Variants in MAPRE1 observed in about 807,000 individuals in gnomAD.
The protein encoded by MAPRE1 is microtubule-associated protein RP/EB family member 1.
In MAPRE1, 5 loss-of-function variants were observed where a neutral mutation model predicts 32.1. The observed-to-expected ratio is 0.16, with a 90% confidence interval of 0.08 to 0.33. The LOEUF is 0.33. Ranked by LOEUF, MAPRE1 falls within the 10% of genes least tolerant of loss-of-function variation. The pLI, the probability that MAPRE1 is intolerant of heterozygous loss-of-function variation, is 1.00. For missense variants in MAPRE1, 209 were observed against 327.2 expected (o/e 0.64, Z 2.79); for synonymous variants, 122 against 118.9 (o/e 1.03, Z -0.17).
intron 2 of MAPRE1, among the ~76,000 whole-genome samples, chr20:32,829,439 G>A (rs1326840071): frequency 6.6e-6 from 1 of 152,210 alleles, no homozygotes; most frequent in Non-Finnish European, 1.5e-5. Context: ...TATGAGAGCA[G>A]ACAGGATGAG....
At position 32,834,839 on chromosome 20, in the gene MAPRE1, A is replaced by G. The variant is rs535892481; in HGVS notation, c.267+977A>G. 7.9e-5 allele frequency among the ~76,000 whole-genome samples: 12 copies of G among 152,316 alleles called. No individual in the cohort carries two copies. In the South Asian group the frequency reaches 2.3e-3, roughly 29 times the overall value. Reference sequence around the variant, plus strand: ...TAAACAATAAATAGTAAATAGTGTAATGATCCCTCATGTAACTCAATGGTT... The same window carrying G: ...TAAACAATAAATAGTAAATAGTGTAGTGATCCCTCATGTAACTCAATGGTT... On this transcript the variant is annotated intron_variant, in intron 3 of 6. Coordinates refer to ENST00000375571, the MANE Select transcript of MAPRE1 (RefSeq NM_012325.3).
At chr20:32,831,771 G>A (rs1247596053) in intron 2 of MAPRE1, among the ~76,000 whole-genome samples, 1 of 151,892 alleles carries the variant, frequency 6.6e-6, no homozygotes, top group African/African-American at 2.4e-5. Context: ...CTGACTTCAG[G>A]TGATCTGCCC....
chr20:32,821,176 C>G (rs970995602), intron 1 of MAPRE1, among the ~76,000 whole-genome samples: 11 of 152,104 alleles, frequency 7.2e-5, no homozygotes, highest in African/African-American at 2.7e-4. Context: ...CCACCAAGCC[C>G]GGCTAATTGT....
chr20:32,836,538 C>T, intron 3 of MAPRE1, 96 bp from the exon 4 acceptor site: 1 of 727,238 alleles, frequency 1.4e-6, no homozygotes, highest in Non-Finnish European at 2.3e-6. Flanking sequence ...TTTTTTTCTC[C>T]TTTTGGCAGA....
At chr20:32,835,206 C>G (rs1983153637) in intron 3 of MAPRE1, among the ~76,000 whole-genome samples, 1 of 152,106 alleles carries the variant, frequency 6.6e-6, no homozygotes, top group Non-Finnish European at 1.5e-5. Context: ...GCCTGGGCAA[C>G]AGAGCAAGAC....
intron 2 of MAPRE1, among the ~76,000 whole-genome samples, chr20:32,827,649 C>G (rs1982897971): frequency 6.6e-6 from 1 of 152,074 alleles, no homozygotes; most frequent in African/African-American, 2.4e-5. Context: ...GTAATCTCAG[C>G]ACTTTGGGAG....
chr20:32,838,278 C>G (rs1983256212), intron 4 of MAPRE1, among the ~76,000 whole-genome samples: 2 of 152,116 alleles, frequency 1.3e-5, no homozygotes, highest in African/African-American at 4.8e-5. Context: ...TTTGCTCAGC[C>G]TGCTGTTTTC....
rs1037634077 is a variant in MAPRE1, at chr20:32,839,592, T to C, written c.476-143T>C. The C allele has an allele frequency of 1.6e-5, 18 of 1,122,642 alleles. No homozygotes were observed. In the East Asian group the frequency reaches 4.2e-4, roughly 26 times the overall value. 69.5% of individuals were successfully genotyped at this position (1,122,642 alleles called of 1,614,324 possible). A position where few individuals can be genotyped will look rare whatever the true frequency, so the allele number is the denominator to read the frequency against. On this transcript the variant is annotated intron_variant, in intron 4 of 6. Transcript: ENST00000375571. The stretch of plus-strand genomic sequence containing the variant: ...GCAAATGTGGGAGCGTTGTCTTGCA[T>C]GCGGGGGCTCTCTAGCATTGGTTCC...
intron 5 of MAPRE1, among the ~76,000 whole-genome samples, chr20:32,840,455 GTTAA>G (rs1324393919): frequency 1.3e-5 from 2 of 152,088 alleles, no homozygotes; most frequent in Admixed American, 6.5e-5. Context: ...GATTCTTTTT[GTTAA>G]TTCTATTTTT....
At chr20:32,825,841 T>A (rs771712088) in intron 1 of MAPRE1, 84 bp from the exon 2 acceptor site, 2 of 1,137,106 alleles carry the variant, frequency 1.8e-6, no homozygotes, top group Admixed American at 4.5e-5. Context: ...ACAGGTTTGC[T>A]TTTGGTGACT....
chr20:32,826,846 T>C (rs1194964739), intron 2 of MAPRE1, among the ~76,000 whole-genome samples: 7 of 152,042 alleles, frequency 4.6e-5, no homozygotes, highest in Admixed American at 4.6e-4. Context: ...GAGTGTGCTC[T>C]GGCCTGCAGG....
chr20:32,848,172 G>A (rs1983556564), intron 6 of MAPRE1, among the ~76,000 whole-genome samples: 1 of 151,798 alleles, frequency 6.6e-6, no homozygotes, highest in South Asian at 2.1e-4. Flanking sequence ...CCCCGCTGGG[G>A]AGTAGCTGGG....
chr20:32,838,455 G>C (rs1300869520), intron 4 of MAPRE1, among the ~76,000 whole-genome samples: 1 of 152,016 alleles, frequency 6.6e-6, no homozygotes, highest in Admixed American at 6.6e-5. Flanking sequence ...GTTCATATAC[G>C]GCTTCTGTGT....
chr20:32,842,655 C>T (rs778636503), intron 5 of MAPRE1, among the ~76,000 whole-genome samples: 10 of 152,218 alleles, frequency 6.6e-5, no homozygotes, highest in Non-Finnish European at 1.0e-4. Flanking sequence ...ACTGTAAGTA[C>T]TCACCAGATA....
intron 5 of MAPRE1, among the ~76,000 whole-genome samples, chr20:32,842,245 C>T (rs1983385622): frequency 6.6e-6 from 1 of 152,136 alleles, no homozygotes; most frequent in South Asian, 2.1e-4. Context: ...GCCACCACGC[C>T]TGGCTAAGTT....
intron 3 of MAPRE1, among the ~76,000 whole-genome samples, chr20:32,835,364 G>GTTTTTTTTTTTT (rs71190879): frequency 0.017 from 1,778 of 106,390 alleles, 275 homozygotes; most frequent in African/African-American, 0.045. Context: ...TTTTATTGGT[G>GTTTTTTTTTTTT]TTTTTTTTTT....
intron 2 of MAPRE1, among the ~76,000 whole-genome samples, chr20:32,828,523 G>T (rs1475825561): frequency 6.6e-6 from 1 of 152,238 alleles, no homozygotes; most frequent in Non-Finnish European, 1.5e-5. Flanking sequence ...GCTTCAGTCT[G>T]CTCTGAGCCA....
In MAPRE1 at chr20:32,847,465, G is replaced by T. The variant is rs1464133283; in HGVS notation, c.750+695G>T. On this transcript the variant is annotated intron_variant, in intron 6 of 6. Coordinates refer to ENST00000375571, the MANE Select transcript of MAPRE1 (RefSeq NM_012325.3). Reference sequence around the variant, plus strand: ...TCAAACTACAAACTTCTGGTAGTATGTGTAGCACTATGCAAATACAAGGTA... The same window carrying T: ...TCAAACTACAAACTTCTGGTAGTATTTGTAGCACTATGCAAATACAAGGTA... Among the ~76,000 whole-genome samples, 3 of 152,218 alleles carry T rather than the reference G, an allele frequency of 2.0e-5. 1 individual carries two copies. In the East Asian group the frequency reaches 5.8e-4, roughly 29 times the overall value.
intron 3 of MAPRE1, among the ~76,000 whole-genome samples, chr20:32,835,389 G>C (rs1265575793): frequency 3.2e-5 from 2 of 61,550 alleles, no homozygotes; most frequent in Non-Finnish European, 4.9e-5. Flanking sequence ...TTGAGATGAG[G>C]TCTTGCTGTG....
Sources: gnomAD v4.1 joint callset for allele counts (sites outside exome capture counted in the v4.1 genomes callset) on GRCh38, gnomAD v4.1.1 for gene constraint, MANE v1.5 for transcripts, NCBI Gene and HGNC (gene_info 2026-07-23, HGNC 2026-07-21) for gene names.